The following KIF2C variants were observed in gnomAD, a reference collection of about 807,000 sequenced individuals.
KIF2C encodes kinesin-like protein KIF2C.
A neutral mutation model predicts 97.4 loss-of-function variants in KIF2C; 34 were observed. The observed-to-expected ratio is 0.35, with a 90% CI of 0.27 to 0.46. KIF2C has a LOEUF of 0.46. Among genes scored for constraint, KIF2C ranks in the 20% least tolerant of loss-of-function variants. The pLI is 1.00. For missense variants in KIF2C, 750 were observed against 907.6 expected (o/e 0.83, Z 2.23); for synonymous variants, 313 against 318.2 (o/e 0.98, Z 0.17).
intron 1 of KIF2C, among the ~76,000 whole-genome samples, chr1:44,740,346 T>C (rs1648871556): frequency 6.6e-6 from 1 of 152,182 alleles, no homozygotes; most frequent in Admixed American, 6.5e-5. Flanking sequence ...TCCTGGCCCC[T>C]TTACTCTCGA....
chr1:44,740,152 AGTCATTC>A, intron 1 of KIF2C, 150 bp downstream of exon 1: 1 of 928,844 alleles, frequency 1.1e-6, no homozygotes, highest in Non-Finnish European at 1.8e-6. Flanking sequence ...CTGCACTGGC[AGTCATTC>A]TTGCCTACAC....
intron 2 of KIF2C, chr1:44,746,560 T>C (rs1649205085): frequency 7.4e-7 from 1 of 1,359,090 alleles, no homozygotes; most frequent in Non-Finnish European, 9.4e-7. Flanking sequence ...TCCTCCTCCG[T>C]GTCAGCCATC....
In KIF2C at chr1:44,750,576, A is replaced by G; in HGVS notation, c.439+12A>G. The G allele has an allele frequency of 6.6e-7, 1 of 1,521,638 alleles. No homozygotes were observed. The highest frequency in any genetic ancestry group is 8.9e-7 in the Non-Finnish European group (1 of 1,126,430). The allele number at this position is 1,521,638 out of a possible 1,614,324, so 94.3% of individuals were successfully genotyped here. A position where few individuals can be genotyped will look rare whatever the true frequency, so the allele number is the denominator to read the frequency against. Reference sequence around the variant, plus strand: ...GTTTTCAGTTCCTCGTGAGTAACGAATGTGCCCCCAACCACCATGTTTGAG... The same window carrying G: ...GTTTTCAGTTCCTCGTGAGTAACGAGTGTGCCCCCAACCACCATGTTTGAG... On this transcript the variant is annotated intron_variant, in intron 5 of 20. Transcript: ENST00000372224.
In KIF2C at chr1:44,760,007, G is replaced by A. The variant is rs1650054060; in HGVS notation, c.1368-273G>A. ...CTTCCCTTTGGGCCCTTTAGCAGAG[G>A]GAATTTATCCTTCCCCGTGTCCTTC... On this transcript the variant is annotated intron_variant, in intron 14 of 20. Transcript: ENST00000372224. The surrounding 1 kb of genome is among the most constrained non-coding windows in gnomAD (Gnocchi z 4.2). Among the ~76,000 whole-genome samples, 1 of 152,152 alleles carries A rather than the reference G, an allele frequency of 6.6e-6. No individual in the cohort carries two copies. The highest frequency in any genetic ancestry group is 6.5e-5 in the Admixed American group (1 of 15,268).
intron 16 of KIF2C, among the ~76,000 whole-genome samples, chr1:44,761,324 G>A (rs968942254): frequency 6.6e-6 from 1 of 152,200 alleles, no homozygotes; most frequent in African/African-American, 2.4e-5. Context: ...TAGGACCTTG[G>A]GCTGGGCGCG....
intron 6 of KIF2C, 132 bp downstream of exon 6, chr1:44,753,386 G>T: frequency 1.0e-6 from 1 of 1,004,468 alleles, no homozygotes; most frequent in Non-Finnish European, 1.4e-6. Flanking sequence ...TTTTCCTCTG[G>T]CCATGGAATC....
intron 2 of KIF2C, 140 bp downstream of exon 2, chr1:44,741,147 C>A: frequency 1.6e-6 from 1 of 607,794 alleles, no homozygotes; most frequent in Admixed American, 2.9e-5. Flanking sequence ...CTTTGGGAGG[C>A]TGAGACGGGC....
chr1:44,754,762 A>G lies in KIF2C; in HGVS notation c.676A>G (p.Ser226Gly). 7 of 1,609,638 alleles carry G rather than the reference A, an allele frequency of 4.3e-6. No homozygotes were observed. The highest frequency in any genetic ancestry group is 6.0e-6 in the Non-Finnish European group (7 of 1,175,942). The change falls in exon 8 of 21, where the codon AGT (serine) becomes GGT (glycine). Residue 226 changes from serine to glycine, a missense_variant. By Grantham distance (56) the Ser-to-Gly change is moderately conservative. Coordinates refer to ENST00000372224, the MANE Select transcript of KIF2C (RefSeq NM_006845.4). ...CGTCTCAAACCAGGAGTATGACAGT[A>G]GTTTTCCAAACTGGGAATTTGCCCG... ...RMKRAQEYDSSFPNWEFARMI... is the reference protein window; with the variant it reads ...RMKRAQEYDSGFPNWEFARMI...
At chr1:44,757,758 C>T in intron 11 of KIF2C, 112 bp downstream of exon 11, 1 of 1,083,596 alleles carries the variant, frequency 9.2e-7, no homozygotes, top group Non-Finnish European at 1.4e-6. Flanking sequence ...GATGCCCCAT[C>T]ACCAGATAGC....
intron 7 of KIF2C, among the ~76,000 whole-genome samples, chr1:44,754,356 A>C (rs1423720529): frequency 6.6e-6 from 1 of 152,154 alleles, no homozygotes; most frequent in Non-Finnish European, 1.5e-5. Context: ...CAAGCCCATC[A>C]CATGCTCACA....
At chr1:44,747,009 C>T (rs1328150654) in intron 2 of KIF2C, among the ~76,000 whole-genome samples, 4 of 151,570 alleles carry the variant, frequency 2.6e-5, no homozygotes, top group East Asian at 2.0e-4. Flanking sequence ...GCAATTCTCC[C>T]GCCTCAGCCT....
At chr1:44,765,894 A>G (rs1330204878) in intron 19 of KIF2C, among the ~76,000 whole-genome samples, 2 of 152,130 alleles carry the variant, frequency 1.3e-5, no homozygotes, top group East Asian at 1.9e-4. Context: ...TCTACTAAAA[A>G]TACAAAAATT....
Position 44,757,956 on chromosome 1 carries a change from A to T in KIF2C, c.1117A>T (p.Ile373Phe), listed in dbSNP as rs1030020495. 3 of 1,614,164 alleles carry T rather than the reference A, an allele frequency of 1.9e-6. No individual in the cohort carries two copies. Among genetic ancestry groups the T allele is most frequent in the Non-Finnish European group, 2.5e-6 (3 of 1,180,024 alleles). Residue 373 changes from isoleucine to phenylalanine, a missense_variant, in exon 12 of 21, where the codon ATC becomes TTC. Coordinates refer to ENST00000372224, the MANE Select transcript of KIF2C (RefSeq NM_006845.4). ...SGKAQNASKG[I>F]YAMASRDVFL... is the part of the protein sequence containing the mutation. ...GAAAGCCCAGAATGCATCCAAAGGG[A>T]TCTATGCCATGGCCTGTAAGTACTG...
At chr1:44,748,103 TAG>T (rs891856632) in intron 4 of KIF2C, among the ~76,000 whole-genome samples, 3 of 152,142 alleles carry the variant, frequency 2.0e-5, no homozygotes, top group African/African-American at 4.8e-5. Flanking sequence ...GGTGGCGCTA[TAG>T]AGAGGGATGG....
rs148970244 is a variant in KIF2C at position 44,746,178 on chromosome 1, C to T, written c.166-1206C>T. Among the ~76,000 whole-genome samples the T allele has an allele frequency of 2.0e-3, 306 of 152,290 alleles. 1 individual carries two copies. The highest frequency in any genetic ancestry group is 6.8e-3 in the African/African-American group (284 of 41,576). On this transcript the variant is annotated intron_variant, in intron 2 of 20. Coordinates refer to ENST00000372224, the MANE Select transcript of KIF2C (RefSeq NM_006845.4). ...CAGGCGTGAGCCACCGCACCCAGTC[C>T]TGCAGGTTTCATCTCTAGGCAGTAA...
intron 19 of KIF2C, among the ~76,000 whole-genome samples, chr1:44,766,284 A>G (rs951343820): frequency 4.6e-5 from 7 of 152,082 alleles, no homozygotes; most frequent in Non-Finnish European, 8.8e-5. Context: ...AGGACCAATG[A>G]TGTTATTCAT....
At position 44,760,360 on chromosome 1, in the gene KIF2C, G is replaced by T. The variant is rs201187745; in HGVS notation, c.1448G>T (p.Arg483Ile). The T allele has an allele frequency of 2.0e-5, 33 of 1,614,228 alleles. No individual in the cohort carries two copies. In the East Asian group the frequency reaches 6.9e-4, roughly 34 times the overall value. ...CFQIILRAKG[R>I]MHGKFSLVDL... ...CAAATTATTCTTCGAGCTAAAGGGAGAATGCATGGCAAGTTCTCTTTGGTA... is the reference window on the plus strand; with the variant it reads ...CAAATTATTCTTCGAGCTAAAGGGATAATGCATGGCAAGTTCTCTTTGGTA... Residue 483 changes from arginine (R) to isoleucine (I), a missense_variant, in exon 15 of 21, where the codon AGA becomes ATA. By Grantham distance (97) the Arg-to-Ile change is moderately conservative (BLOSUM62 -3). Coordinates refer to ENST00000372224, the MANE Select transcript of KIF2C (RefSeq NM_006845.4). The surrounding 1 kb of genome is among the most constrained non-coding windows in gnomAD (Gnocchi z 4.2).
chr1:44,754,365 C>T (rs1225732227), intron 7 of KIF2C, among the ~76,000 whole-genome samples: 1 of 152,196 alleles, frequency 6.6e-6, no homozygotes, highest in Non-Finnish European at 1.5e-5. Flanking sequence ...CACATGCTCA[C>T]ATGGCGTGAT....
Position 44,760,340 on chromosome 1 carries a change from T to A in KIF2C, c.1428T>A (p.Ile476=). The A allele has an allele frequency of 1.2e-6, 2 of 1,614,194 alleles. No individual in the cohort carries two copies. The highest frequency in any genetic ancestry group is 1.1e-5 in the South Asian group (1 of 91,082). Residue 476 remains isoleucine (I), a synonymous_variant, in exon 15 of 21, where the codon ATT becomes ATA. Transcript: ENST00000372224. This position sits in a 1 kb window ranked among gnomAD's most constrained non-coding sequence, Gnocchi z 4.2. The stretch of plus-strand genomic sequence containing the variant: ...CCCGCTCCCACGCGTGCTTCCAAAT[T>A]ATTCTTCGAGCTAAAGGGAGAATGC... The part of the protein sequence containing the change: ...NSSRSHACFQ[I]ILRAKGRMHG...
Sources: allele counts gnomAD v4.1 joint callset (sites outside exome capture counted in the v4.1 genomes callset), GRCh38; gene constraint gnomAD v4.1.1; non-coding constraint Gnocchi (gnomAD v3.1); transcripts MANE v1.5; gene names NCBI Gene and HGNC (gene_info 2026-07-23, HGNC 2026-07-21).